Variants in LRP1B observed in about 807,000 individuals in gnomAD.
LRP1B encodes the protein LDL receptor related protein 1B, also known as low-density lipoprotein receptor-related protein 1B.
In LRP1B, 217 loss-of-function variants were observed where a neutral mutation model predicts 556.6. That is an observed-to-expected ratio of 0.39 (90% CI 0.35 to 0.44). The LOEUF is 0.44. Ranked by LOEUF, LRP1B falls within the 20% of genes least tolerant of loss-of-function variation. The pLI is 1.00. For synonymous variants in LRP1B, 2,047 were observed against 1,865.8 expected, an observed-to-expected ratio of 1.10 and a Z score of -2.50; for missense variants, 5,053 against 5,620.8, an observed-to-expected ratio of 0.90 and a Z score of 3.23.
chr2:141,189,721 G>A (rs1681418089), intron 6 of LRP1B, among the ~76,000 whole-genome samples: 1 of 151,920 alleles, frequency 6.6e-6, no homozygotes, highest in South Asian at 2.1e-4. Flanking sequence ...TACTATGACT[G>A]GAAAATTGAA....
intron 1 of LRP1B, among the ~76,000 whole-genome samples, chr2:141,920,005 G>C (rs1378694944): frequency 3.3e-5 from 5 of 151,880 alleles, no homozygotes; most frequent in Non-Finnish European, 7.4e-5. Flanking sequence ...TCAGAAACAA[G>C]CATTTCAAGA....
chr2:141,730,155 T>C (rs1289479312), intron 2 of LRP1B, among the ~76,000 whole-genome samples: 1 of 152,132 alleles, frequency 6.6e-6, no homozygotes, highest in African/African-American at 2.4e-5. Flanking sequence ...TTGGCTTTCG[T>C]AGTAGAAGCT....
chr2:140,550,612 C>T (rs1680512915), intron 43 of LRP1B, among the ~76,000 whole-genome samples: 2 of 151,964 alleles, frequency 1.3e-5, no homozygotes, highest in Admixed American at 6.6e-5. Flanking sequence ...GTCCTCCAAA[C>T]ACACACACAC....
rs11352164 is a variant in LRP1B at position 140,803,260 on chromosome 2, GTTTTTTTTTTT to G, written c.5359+10386_5359+10396del. Among the ~76,000 whole-genome samples, 17 of 102,244 alleles carry G rather than the reference GTTTTTTTTTTT, an allele frequency of 1.7e-4. No homozygotes were observed. In the South Asian group the frequency reaches 3.3e-3, roughly 20 times the overall value. 67.1% of individuals were successfully genotyped at this position (102,244 alleles called of 152,430 possible). A position where few individuals can be genotyped will look rare whatever the true frequency, so the allele number is the denominator to read the frequency against. ...GTGGTCAGTATTAGTCCTATTGAAA[GTTTTTTTTTTT>G]TTTTTTTTTTTTTTTTTTTCCGAGA... On this transcript the variant is annotated intron_variant, in intron 32 of 90. Transcript: ENST00000389484.
chr2:140,868,031 C>A (rs2105155442), intron 26 of LRP1B, 68 bp downstream of exon 26: 1 of 1,480,544 alleles, frequency 6.8e-7, no homozygotes, highest in Non-Finnish European at 9.1e-7. Flanking sequence ...CATGTTAGGA[C>A]ACTTTCCAAT....
intron 3 of LRP1B, among the ~76,000 whole-genome samples, chr2:141,274,106 C>G (rs1685192894): frequency 6.6e-6 from 1 of 152,184 alleles, no homozygotes; most frequent in Non-Finnish European, 1.5e-5. Flanking sequence ...CTCCTACACT[C>G]TTGATGGACA....
At chr2:140,233,685 C>T (rs1680570634) in intron 90 of LRP1B, among the ~76,000 whole-genome samples, 2 of 151,144 alleles carry the variant, frequency 1.3e-5, no homozygotes. Context: ...TTTGTGTTGT[C>T]CCCCTTATTG....
chr2:140,487,731 G>A lies in LRP1B; in HGVS notation c.9129C>T (p.Asn3043=). The change falls in exon 58 of 91, where the codon AAC becomes AAT. Residue 3043 remains asparagine, a synonymous_variant. Coordinates refer to ENST00000389484, the MANE Select transcript of LRP1B (RefSeq NM_018557.3). ...SNYTLLKQGL[N]NVIAIDFDYR... ...AATCAAAGTCTATAGCAATAACATT[G>A]TTTAATCCCTGAAAATAAAAAAGAC... 1.3e-6 allele frequency: 2 copies of A among 1,530,084 alleles called. No homozygotes were observed. The highest frequency in any genetic ancestry group is 1.2e-5 in the South Asian group (1 of 84,308). 94.8% of individuals were successfully genotyped at this position (1,530,084 alleles called of 1,614,324 possible). A position where few individuals can be genotyped will look rare whatever the true frequency, so the allele number is the denominator to read the frequency against.
At chr2:141,554,487 A>T (rs1685889507) in intron 2 of LRP1B, among the ~76,000 whole-genome samples, 1 of 151,630 alleles carries the variant, frequency 6.6e-6, no homozygotes, top group Admixed American at 6.6e-5. Flanking sequence ...TTTCTTGAAG[A>T]ATGAAATGCA....
At chr2:141,286,534 T>C (rs975735974) in intron 3 of LRP1B, among the ~76,000 whole-genome samples, 6 of 152,210 alleles carry the variant, frequency 3.9e-5, no homozygotes, top group African/African-American at 1.4e-4. Context: ...TTGTGTAAGA[T>C]TTTAATGTCT....
chr2:141,130,952 T>A (rs139727770), intron 7 of LRP1B, among the ~76,000 whole-genome samples: 5,862 of 152,018 alleles, frequency 0.039, 256 homozygotes, highest in African/African-American at 0.11. Flanking sequence ...CATGTTCTCA[T>A]TCATAAGTGG....
chr2:141,387,787 A>G (rs1400593980), intron 3 of LRP1B, among the ~76,000 whole-genome samples: 1 of 152,214 alleles, frequency 6.6e-6, no homozygotes, highest in African/African-American at 2.4e-5. Context: ...TAAAAGAGGA[A>G]GGAACATTAT....
chr2:141,007,589 G>T (rs1456509467), intron 14 of LRP1B, among the ~76,000 whole-genome samples: 1 of 151,366 alleles, frequency 6.6e-6, no homozygotes, highest in Non-Finnish European at 1.5e-5. Context: ...TGCTTCATAG[G>T]ATGCACTGTT....
At chr2:141,152,273 T>A (rs1166367494) in intron 7 of LRP1B, among the ~76,000 whole-genome samples, 1 of 152,160 alleles carries the variant, frequency 6.6e-6, no homozygotes. Context: ...GTAGTGAGAA[T>A]GTTTGTAAAA....
intron 21 of LRP1B, among the ~76,000 whole-genome samples, chr2:140,920,372 C>A (rs1694702931): frequency 6.6e-6 from 1 of 151,968 alleles, no homozygotes; most frequent in African/African-American, 2.4e-5. Flanking sequence ...CAATAGATGA[C>A]AATTTATGTA....
chr2:140,900,919 G>A (rs1257937035), intron 23 of LRP1B, among the ~76,000 whole-genome samples: 3 of 152,190 alleles, frequency 2.0e-5, no homozygotes, highest in African/African-American at 7.2e-5. Context: ...GAGATGAAGT[G>A]AGGAAAGTAT....
At chr2:140,666,081 C>T (rs549006684) in intron 41 of LRP1B, among the ~76,000 whole-genome samples, 3 of 151,720 alleles carry the variant, frequency 2.0e-5, no homozygotes, top group African/African-American at 7.3e-5. Context: ...GCAACCTCTG[C>T]CCTCCAAGTT....
At chr2:140,922,892 C>T (rs576918500) in intron 21 of LRP1B, 73 bp downstream of exon 21, 2 of 1,298,846 alleles carry the variant, frequency 1.5e-6, no homozygotes, top group Non-Finnish European at 2.1e-6. Context: ...AGGTGAGATA[C>T]AGATTCAGCC....
intron 11 of LRP1B, among the ~76,000 whole-genome samples, chr2:141,041,657 G>A (rs947075365): frequency 6.6e-6 from 1 of 152,050 alleles, no homozygotes; most frequent in Non-Finnish European, 1.5e-5. Context: ...AAGTTCTAGT[G>A]TTCTCTAGCA....
Sources: allele counts gnomAD v4.1 joint callset (sites outside exome capture counted in the v4.1 genomes callset), GRCh38; gene constraint gnomAD v4.1.1; transcripts MANE v1.5; gene names NCBI Gene and HGNC (gene_info 2026-07-23, HGNC 2026-07-21).